The following SLC17A4 variants were observed in gnomAD, a reference collection of about 807,000 sequenced individuals.
SLC17A4 encodes the protein probable small intestine urate exporter.
Under a neutral mutation model 52.5 loss-of-function variants are expected in SLC17A4, and 33 were observed. The ratio of observed to expected loss-of-function variants is 0.63; its 90% CI spans 0.48 to 0.84. The LOEUF is 0.84. SLC17A4 is among the 40% of genes least tolerant of loss of function. SLC17A4 has a pLI of 0.00. For synonymous variants in SLC17A4, 225 were observed against 216.2 expected (o/e 1.04, Z -0.36); for missense variants, 585 against 597.1 (o/e 0.98, Z 0.21).
chr6:25,767,217 A>C (rs1475361982), intron 2 of SLC17A4, among the ~76,000 whole-genome samples: 2 of 152,194 alleles, frequency 1.3e-5, no homozygotes, highest in Non-Finnish European at 2.9e-5. Context: ...TAGCACATAC[A>C]TATGTACATA....
At chr6:25,774,402 A>C (rs113524778) in intron 8 of SLC17A4, among the ~76,000 whole-genome samples, 4 of 152,328 alleles carry the variant, frequency 2.6e-5, no homozygotes, top group African/African-American at 9.6e-5. Context: ...CTCAGGAAGA[A>C]GCCTTCTCGT....
In SLC17A4 at chr6:25,770,299, A is replaced by T; in HGVS notation, c.530A>T (p.Gln177Leu). 6.2e-7 allele frequency: 1 copy of T among 1,613,916 alleles called. No individual in the cohort carries two copies. Among genetic ancestry groups the T allele is most frequent in the Non-Finnish European group, 8.5e-7 (1 of 1,179,794 alleles). ...CTCCGGATTGTACAAGGCATAGCCC[A>T]GGTACCAAGATGTTTTCCAGGTATA... ...IVLRIVQGIA[Q>L]VMVLTGQYSI... The change falls in exon 4 of 12, where the codon CAG becomes CTG. Residue 177 changes from glutamine (Q) to leucine (L), a missense_variant and splice_region_variant. By Grantham distance (113) the Gln-to-Leu change is moderately radical. Coordinates refer to ENST00000377905, the MANE Select transcript of SLC17A4 (RefSeq NM_005495.3).
intron 1 of SLC17A4, among the ~76,000 whole-genome samples, chr6:25,757,209 G>A (rs543505091): frequency 2.0e-5 from 3 of 152,240 alleles, no homozygotes; most frequent in South Asian, 4.2e-4. Context: ...TTAGTGGTAC[G>A]TTACATAACA....
chr6:25,776,539 G>C, intron 8 of SLC17A4, 56 bp from the exon 9 acceptor site: 2 of 1,541,836 alleles, frequency 1.3e-6, no homozygotes, highest in Admixed American at 2.0e-5. Context: ...AAGGTTGTCT[G>C]TGTCGTGGTG....
intron 2 of SLC17A4, among the ~76,000 whole-genome samples, chr6:25,762,879 C>A (rs976577968): frequency 1.3e-4 from 20 of 152,190 alleles, no homozygotes; most frequent in African/African-American, 4.8e-4. Context: ...GTCTACTAGA[C>A]TATACCATTG....
chr6:25,760,022 C>T (rs966374215), intron 1 of SLC17A4, among the ~76,000 whole-genome samples: 5 of 152,260 alleles, frequency 3.3e-5, no homozygotes, highest in East Asian at 1.9e-4. Context: ...TGGTACACAC[C>T]GTGAAGCAGC....
rs1179648903 is a variant in SLC17A4 at position 25,779,975 on chromosome 6, TCTGA to T, written c.*791_*794del. 2.6e-5 allele frequency: 4 copies of T among 152,232 alleles called. No individual in the cohort carries two copies. Among genetic ancestry groups the T allele is most frequent in the African/African-American group, 9.6e-5 (4 of 41,456 alleles). 9.4% of individuals were successfully genotyped at this position (152,232 alleles called of 1,614,324 possible). On this transcript the variant is annotated 3_prime_UTR_variant, in exon 12 of 12. Transcript: ENST00000377905. Reference sequence around the variant, plus strand: ...CATGATATCTGCCTTCGTTTGCCCCTCTGACTGTTGGAATCCCACGCACCATTCA... The same window carrying T: ...CATGATATCTGCCTTCGTTTGCCCCTCTGTTGGAATCCCACGCACCATTCA...
rs1763194096 is a variant in SLC17A4, at chr6:25,779,376, A to G, written c.*188A>G. 6.0e-6 allele frequency: 4 copies of G among 666,566 alleles called. No homozygotes were observed. The highest frequency in any genetic ancestry group is 2.4e-6 in the Non-Finnish European group (1 of 409,676). 41.3% of individuals were successfully genotyped at this position (666,566 alleles called of 1,614,324 possible). A position where few individuals can be genotyped will look rare whatever the true frequency, so the allele number is the denominator to read the frequency against. ...CACGCTAGTTATTTAACTGCAAGCT[A>G]CTAAAAGCATAGGTGTGTTGAGATT... On this transcript the variant is annotated 3_prime_UTR_variant, in exon 12 of 12. Transcript: ENST00000377905.
At chr6:25,759,648 G>A (rs372044405) in intron 1 of SLC17A4, among the ~76,000 whole-genome samples, 11 of 152,124 alleles carry the variant, frequency 7.2e-5, no homozygotes, top group African/African-American at 1.4e-4. Flanking sequence ...GTGAGACTCC[G>A]TCTCAAAAAA....
In SLC17A4 at chr6:25,780,411, T is replaced by C. The variant is rs1763238317; in HGVS notation, c.*1223T>C. 6.6e-6 allele frequency: 1 copy of C among 152,210 alleles called. No individual in the cohort carries two copies. Among genetic ancestry groups the C allele is most frequent in the Non-Finnish European group, 1.5e-5 (1 of 68,050 alleles). The allele number at this position is 152,210 out of a possible 1,614,324, so 9.4% of individuals were successfully genotyped here. A position where few individuals can be genotyped will look rare whatever the true frequency, so the allele number is the denominator to read the frequency against. ...TCTGAGTGTAAGGAAGGGCCACCCC[T>C]GCAAAGTTTCAGCTGAGCTGGGATC... On this transcript the variant is annotated 3_prime_UTR_variant, in exon 12 of 12. Transcript: ENST00000377905.
intron 8 of SLC17A4, among the ~76,000 whole-genome samples, chr6:25,773,966 C>G (rs974827813): frequency 1.3e-5 from 2 of 151,970 alleles, no homozygotes; most frequent in African/African-American, 4.8e-5. Flanking sequence ...TTTAAGGGCC[C>G]TGTGCAAAAA....
At position 25,779,244 on chromosome 6, in the gene SLC17A4, C is replaced by A; in HGVS notation, c.*56C>A. On this transcript the variant is annotated 3_prime_UTR_variant, in exon 12 of 12. Transcript: ENST00000377905. ...CTTAGTTCATCATTGTTTTCCCTCA[C>A]AGACATTTCTCTTTCATGCCTGCTT... 5 of 1,601,528 alleles carry A rather than the reference C, an allele frequency of 3.1e-6. No homozygotes were observed. The highest frequency in any genetic ancestry group is 4.3e-6 in the Non-Finnish European group (5 of 1,172,336).
chr6:25,777,926 G>T lies in SLC17A4; in HGVS notation c.1269G>T (p.Arg423=), dbSNP rs751746596. The T allele has an allele frequency of 9.9e-6, 16 of 1,611,842 alleles. No individual in the cohort carries two copies. In the South Asian group the frequency reaches 1.6e-4, roughly 17 times the overall value. The change falls in exon 11 of 12, where the codon CGG becomes CGT. Residue 423 remains arginine (R), a splice_region_variant and synonymous_variant. Transcript: ENST00000377905. The part of the protein sequence containing the change: ...ALVNFLDIAP[R]YTGFLKGLLQ... ...ATAGAGTACCATCTCTCTCTCTCAG[G>T]TACACTGGCTTTCTCAAAGGACTAT...
chr6:25,757,061 G>T (rs1761082560), intron 1 of SLC17A4, among the ~76,000 whole-genome samples: 1 of 152,156 alleles, frequency 6.6e-6, no homozygotes, highest in Non-Finnish European at 1.5e-5. Flanking sequence ...TTGCCAATGA[G>T]TATTTGTTTG....
intron 8 of SLC17A4, 115 bp from the exon 9 acceptor site, chr6:25,776,479 TA>T: frequency 8.0e-7 from 1 of 1,245,422 alleles, no homozygotes; most frequent in Non-Finnish European, 1.1e-6. Context: ...GAATTTGTAT[TA>T]AAAGTGATGC....
At position 25,779,389 on chromosome 6, in the gene SLC17A4, GTGTGTTGAGATTTC is replaced by G. The variant is rs1763194791; in HGVS notation, c.*208_*221del. ...TAACTGCAAGCTACTAAAAGCATAG[GTGTGTTGAGATTTC>G]TGTGTTCTCCACTCTTCCACTGTTA... On this transcript the variant is annotated 3_prime_UTR_variant, in exon 12 of 12. Coordinates refer to ENST00000377905, the MANE Select transcript of SLC17A4 (RefSeq NM_005495.3). 2 of 587,908 alleles carry G rather than the reference GTGTGTTGAGATTTC, an allele frequency of 3.4e-6. No homozygotes were observed. Among genetic ancestry groups the G allele is most frequent in the Admixed American group, 3.4e-5 (1 of 29,290 alleles). 36.4% of individuals were successfully genotyped at this position (587,908 alleles called of 1,614,324 possible).
At chr6:25,772,477 A>G (rs574287368) in intron 6 of SLC17A4, among the ~76,000 whole-genome samples, 3 of 152,304 alleles carry the variant, frequency 2.0e-5, no homozygotes, top group Non-Finnish European at 4.4e-5. Context: ...AGCCAAACAA[A>G]GAGAGCTCAT....
At chr6:25,776,148 C>CAA (rs397734742) in intron 8 of SLC17A4, among the ~76,000 whole-genome samples, 25 of 150,018 alleles carry the variant, frequency 1.7e-4, no homozygotes, top group Middle Eastern at 3.4e-3. Flanking sequence ...CAGAGCATGC[C>CAA]AAAAAAAAAT....
intron 2 of SLC17A4, chr6:25,768,454 A>G (rs1762201863): frequency 3.3e-6 from 3 of 902,550 alleles, no homozygotes; most frequent in Non-Finnish European, 4.0e-6. Flanking sequence ...AGATTATAGT[A>G]TTAAGATGAA....
Sources: gnomAD v4.1 joint callset for allele counts (sites outside exome capture counted in the v4.1 genomes callset) on GRCh38, gnomAD v4.1.1 for gene constraint, MANE v1.5 for transcripts, NCBI Gene and HGNC (gene_info 2026-07-23, HGNC 2026-07-21) for gene names.